LAMC1: variants seen among roughly 807,000 people sequenced by gnomAD.
LAMC1 encodes laminin subunit gamma 1.
In LAMC1, 38 loss-of-function variants were observed where a neutral mutation model predicts 173.6. The ratio of observed to expected loss-of-function variants is 0.22; its 90% CI spans 0.17 to 0.29. LAMC1 has a LOEUF of 0.29. Ranked by LOEUF, LAMC1 falls within the 10% of genes least tolerant of loss-of-function variation. The pLI is 1.00. For missense variants in LAMC1, 1,824 were observed against 2,051.8 expected, an observed-to-expected ratio of 0.89 and a Z score of 2.14; for synonymous variants, 746 against 749.1, an observed-to-expected ratio of 1.00 and a Z score of 0.07.
chr1:183,110,777 T>A, intron 4 of LAMC1, 123 bp downstream of exon 4: 1 of 975,040 alleles, frequency 1.0e-6, no homozygotes, highest in Non-Finnish European at 1.5e-6. Flanking sequence ...GCTTTTTGTG[T>A]AATTTGAGTA....
rs368720867 is a variant in LAMC1, at chr1:183,057,282, G to A, written c.418+33148G>A. ...ATATTTCAAAGGCACAATGATGTCTGTTTCACAGCTTTCTGGATGTGGTGA... is the reference window on the plus strand; with the variant it reads ...ATATTTCAAAGGCACAATGATGTCTATTTCACAGCTTTCTGGATGTGGTGA... On this transcript the variant is annotated intron_variant, in intron 1 of 27. Coordinates refer to ENST00000258341, the MANE Select transcript of LAMC1 (RefSeq NM_002293.4). Among the ~76,000 whole-genome samples the A allele has an allele frequency of 7.9e-4, 121 of 152,310 alleles. 2 individuals are homozygous for A. In the South Asian group the frequency reaches 0.022, roughly 28 times the overall value.
rs1232346058 is a variant in LAMC1, at chr1:183,121,830, T to A, written c.2098T>A (p.Phe700Ile). The A allele has an allele frequency of 6.2e-7, 1 of 1,613,994 alleles. No homozygotes were observed. The highest frequency in any genetic ancestry group is 8.5e-7 in the Non-Finnish European group (1 of 1,180,032). Residue 700 changes from phenylalanine (F) to isoleucine (I), a missense_variant, in exon 12 of 28, where the codon TTT becomes ATT. Phe to Ile is a conservative substitution (Grantham distance 21). Coordinates refer to ENST00000258341, the MANE Select transcript of LAMC1 (RefSeq NM_002293.4). ...CTGTCCTGTGGGATATGGAGGGCAGTTTTGTGAGATGTGCCTCTCAGGTTA... is the reference window on the plus strand; with the variant it reads ...CTGTCCTGTGGGATATGGAGGGCAGATTTGTGAGATGTGCCTCTCAGGTTA... ...CTCPVGYGGQ[F>I]CEMCLSGYRR...
intron 1 of LAMC1, among the ~76,000 whole-genome samples, chr1:183,083,966 A>AT (rs1337573070): frequency 6.6e-6 from 1 of 152,186 alleles, no homozygotes; most frequent in African/African-American, 2.4e-5. Context: ...ATGCATACTG[A>AT]TCTACATAAC....
At chr1:183,044,423 C>A (rs958134422) in intron 1 of LAMC1, among the ~76,000 whole-genome samples, 2 of 151,962 alleles carry the variant, frequency 1.3e-5, no homozygotes, top group African/African-American at 4.8e-5. Context: ...TCATATGCAC[C>A]CAGCGTGGGA....
At chr1:183,065,681 G>A (rs1483319369) in intron 1 of LAMC1, among the ~76,000 whole-genome samples, 1 of 152,166 alleles carries the variant, frequency 6.6e-6, no homozygotes, top group Non-Finnish European at 1.5e-5. Context: ...ATTGTCACGT[G>A]TATATTTTTG....
chr1:183,084,149 T>G (rs1042182338), intron 1 of LAMC1, among the ~76,000 whole-genome samples: 2 of 152,020 alleles, frequency 1.3e-5, no homozygotes, highest in Non-Finnish European at 2.9e-5. Context: ...GGTCAGGAGA[T>G]CGAGACCAAG....
chr1:183,028,655 T>A (rs1653757964), intron 1 of LAMC1, among the ~76,000 whole-genome samples: 1 of 152,248 alleles, frequency 6.6e-6, no homozygotes, highest in Non-Finnish European at 1.5e-5. Flanking sequence ...GAAAGTCTAC[T>A]TTATTCTAAG....
intron 14 of LAMC1, 56 bp downstream of exon 14, chr1:183,124,932 T>A: frequency 6.3e-7 from 1 of 1,581,998 alleles, no homozygotes; most frequent in Non-Finnish European, 8.6e-7. Flanking sequence ...ATTGTGAGAA[T>A]TCTTGTGTGT....
chr1:183,091,009 C>A (rs911108156), intron 1 of LAMC1, among the ~76,000 whole-genome samples: 2 of 152,038 alleles, frequency 1.3e-5, no homozygotes, highest in African/African-American at 4.8e-5. Flanking sequence ...AATCTTTTTG[C>A]TTGTTAAGAA....
chr1:183,111,009 G>A (rs924238196), intron 4 of LAMC1, among the ~76,000 whole-genome samples: 4 of 152,038 alleles, frequency 2.6e-5, no homozygotes, highest in Non-Finnish European at 5.9e-5. Flanking sequence ...TTTTATCAAT[G>A]CTCAGGCATC....
intron 15 of LAMC1, among the ~76,000 whole-genome samples, 191 bp downstream of exon 15, chr1:183,125,741 C>T (rs1656602087): frequency 6.6e-6 from 1 of 152,158 alleles, no homozygotes; most frequent in Non-Finnish European, 1.5e-5. Context: ...AGCACAGTGG[C>T]CCCAGCTGTG....
intron 1 of LAMC1, among the ~76,000 whole-genome samples, chr1:183,083,488 TA>T (rs1655341599): frequency 6.6e-6 from 1 of 152,240 alleles, no homozygotes; most frequent in Non-Finnish European, 1.5e-5. Flanking sequence ...ACTGCTCAGT[TA>T]AATGTAGGTC....
intron 17 of LAMC1, among the ~76,000 whole-genome samples, chr1:183,128,108 T>G (rs1181031171): frequency 1.3e-5 from 2 of 152,162 alleles, no homozygotes; most frequent in Admixed American, 6.5e-5. Flanking sequence ...GCTGGAGGCC[T>G]TATTTACTGA....
chr1:183,134,802 A>C lies in LAMC1; in HGVS notation c.3992A>C (p.Glu1331Ala), dbSNP rs1656891613. The C allele has an allele frequency of 6.2e-7, 1 of 1,612,452 alleles. No individual in the cohort carries two copies. Among genetic ancestry groups the C allele is most frequent in the African/African-American group, 1.3e-5 (1 of 74,714 alleles). The change falls in exon 23 of 28, where the codon GAA becomes GCA. Residue 1331 changes from glutamate (E) to alanine (A), a missense_variant. By Grantham distance (107) the Glu-to-Ala change is moderately radical (BLOSUM62 -1). Transcript: ENST00000258341. ...AACCTTCTGGAGAAAGGCAAGACTGAACAGCAGGTTGGTTTGATTTGCAGG... is the reference window on the plus strand; with the variant it reads ...AACCTTCTGGAGAAAGGCAAGACTGCACAGCAGGTTGGTTTGATTTGCAGG... Reference protein sequence around the residue: ...VKNLLEKGKTEQQTADQLLAR... With the variant: ...VKNLLEKGKTAQQTADQLLAR...
intron 1 of LAMC1, among the ~76,000 whole-genome samples, chr1:183,085,939 C>T (rs911906898): frequency 2.0e-5 from 3 of 152,034 alleles, no homozygotes; most frequent in Admixed American, 6.6e-5. Context: ...TTTCACTTAT[C>T]ACTGGACATT....
chr1:183,030,950 A>T (rs753185293), intron 1 of LAMC1, among the ~76,000 whole-genome samples: 23 of 152,284 alleles, frequency 1.5e-4, no homozygotes, highest in Non-Finnish European at 3.1e-4. Flanking sequence ...GCGCCTGTTG[A>T]ATACCCACTA....
chr1:183,107,961 A>G (rs1287124869), intron 2 of LAMC1, among the ~76,000 whole-genome samples: 1 of 152,204 alleles, frequency 6.6e-6, no homozygotes, highest in Non-Finnish European at 1.5e-5. Context: ...GGGAAGGGGC[A>G]TGTGTATCGA....
chr1:183,126,196 A>C lies in LAMC1; in HGVS notation c.2878A>C (p.Ile960Leu), dbSNP rs1656615204. The change falls in exon 16 of 28, where the codon ATC becomes CTC. Residue 960 changes from isoleucine (I) to leucine (L), a missense_variant. By Grantham distance (5) the Ile-to-Leu change is conservative (BLOSUM62 2). Coordinates refer to ENST00000258341, the MANE Select transcript of LAMC1 (RefSeq NM_002293.4). ...CGGCCAGTGTGAGTGCCAGCCCGGCATCACTGGTCAGCACTGTGAGCGCTG... is the reference window on the plus strand; with the variant it reads ...CGGCCAGTGTGAGTGCCAGCCCGGCCTCACTGGTCAGCACTGTGAGCGCTG... Reference protein sequence around the residue: ...RTGQCECQPGITGQHCERCEV... With the variant: ...RTGQCECQPGLTGQHCERCEV... 1 of 1,614,086 alleles carries C rather than the reference A, an allele frequency of 6.2e-7. No individual in the cohort carries two copies. Among genetic ancestry groups the C allele is most frequent in the Admixed American group, 1.7e-5 (1 of 60,012 alleles).
intron 1 of LAMC1, among the ~76,000 whole-genome samples, chr1:183,070,008 G>A (rs1278350624): frequency 2.0e-5 from 3 of 152,162 alleles, no homozygotes; most frequent in Admixed American, 2.0e-4. Context: ...ACAGTGCCCG[G>A]CACACAGTCT....
Sources: allele counts gnomAD v4.1 joint callset (sites outside exome capture counted in the v4.1 genomes callset), GRCh38; gene constraint gnomAD v4.1.1; transcripts MANE v1.5; gene names NCBI Gene and HGNC (gene_info 2026-07-23, HGNC 2026-07-21).